The following COPG2 variants were observed in gnomAD, a reference collection of about 807,000 sequenced individuals.
COPG2 encodes the protein coatomer subunit gamma-2.
A neutral mutation model predicts 46.3 loss-of-function variants in COPG2; 37 were observed. The observed-to-expected ratio is 0.80, with a 90% CI of 0.61 to 1.05. The LOEUF (loss-of-function observed/expected upper bound fraction) is 1.05. Ranked by LOEUF, COPG2 falls within the 50% of genes least tolerant of loss-of-function variation. The pLI is 0.00. For missense variants in COPG2, 427 were observed against 387.8 expected, an observed-to-expected ratio of 1.10 and a Z score of -0.85; for synonymous variants, 159 against 129.7, an observed-to-expected ratio of 1.23 and a Z score of -1.53.
chr7:130,530,627 T>C (rs895187103), intron 20 of COPG2, among the ~76,000 whole-genome samples: 4 of 152,002 alleles, frequency 2.6e-5, no homozygotes, highest in African/African-American at 9.7e-5. Flanking sequence ...GAGAGAAATA[T>C]GGGCCACAGA....
At chr7:130,511,985 C>T in intron 20 of COPG2, 1 of 437,412 alleles carries the variant, frequency 2.3e-6, no homozygotes, top group Non-Finnish European at 4.6e-6. Flanking sequence ...GAGGCTGAGG[C>T]AGGTGGATCA....
intron 14 of COPG2, among the ~76,000 whole-genome samples, chr7:130,553,333 C>G (rs940727611): frequency 1.3e-5 from 2 of 151,546 alleles, no homozygotes; most frequent in Admixed American, 1.3e-4. Context: ...AAGTCCCCCC[C>G]GCCTTTTCTT....
chr7:130,559,101 A>G (rs1021517056), intron 12 of COPG2, among the ~76,000 whole-genome samples: 1 of 152,258 alleles, frequency 6.6e-6, no homozygotes, highest in Non-Finnish European at 1.5e-5. Flanking sequence ...ACATCATAAG[A>G]AAAGTCAAAA....
intron 9 of COPG2, among the ~76,000 whole-genome samples, chr7:130,604,287 C>T (rs1297514789): frequency 3.3e-5 from 5 of 152,086 alleles, no homozygotes; most frequent in Non-Finnish European, 7.4e-5. Context: ...TTGTGGAATC[C>T]ATAGGTCAAT....
chr7:130,632,844 A>G (rs1302452149), intron 5 of COPG2, among the ~76,000 whole-genome samples: 1 of 152,054 alleles, frequency 6.6e-6, no homozygotes, highest in Non-Finnish European at 1.5e-5. Context: ...TGCTGCACCC[A>G]TCAACCTGTC....
At chr7:130,587,310 AAAAAGAAAAG>A (rs1177733329) in intron 9 of COPG2, among the ~76,000 whole-genome samples, 1 of 152,026 alleles carries the variant, frequency 6.6e-6, no homozygotes, top group Non-Finnish European at 1.5e-5. Context: ...CCATCTCAAA[AAAAAGAAAAG>A]AAAAGAAAAG....
At chr7:130,658,359 A>G (rs1554460165) in intron 4 of COPG2, among the ~76,000 whole-genome samples, 1 of 152,162 alleles carries the variant, frequency 6.6e-6, no homozygotes, top group Admixed American at 6.5e-5. Flanking sequence ...GACAGAAAGG[A>G]GATAGATTGC....
chr7:130,593,746 T>G (rs1294691345), intron 9 of COPG2, among the ~76,000 whole-genome samples: 5 of 144,032 alleles, frequency 3.5e-5, no homozygotes, highest in African/African-American at 1.2e-4. Context: ...ATTGCTACCT[T>G]ATACTATATC....
At chr7:130,537,037 G>T (rs1799887012) in intron 20 of COPG2, among the ~76,000 whole-genome samples, 1 of 152,140 alleles carries the variant, frequency 6.6e-6, no homozygotes, top group African/African-American at 2.4e-5. Flanking sequence ...AGGAGCAGAG[G>T]AGCTGGGTCT....
intron 20 of COPG2, among the ~76,000 whole-genome samples, chr7:130,527,400 G>A (rs1380242334): frequency 1.4e-5 from 2 of 146,090 alleles, no homozygotes; most frequent in Non-Finnish European, 3.0e-5. Context: ...TGCTGGAAAT[G>A]GCAGAGTAAA....
At chr7:130,611,419 C>A (rs1794847610) in intron 8 of COPG2, among the ~76,000 whole-genome samples, 1 of 152,162 alleles carries the variant, frequency 6.6e-6, no homozygotes, top group African/African-American at 2.4e-5. Context: ...GGGTCCAGGG[C>A]TTTACTGGTG....
intron 9 of COPG2, among the ~76,000 whole-genome samples, chr7:130,586,595 T>C (rs1398376192): frequency 6.6e-6 from 1 of 151,976 alleles, no homozygotes; most frequent in Non-Finnish European, 1.5e-5. Context: ...CCCGAGTAGC[T>C]GGGACTACAG....
chr7:130,602,027 G>T (rs1370342865), intron 9 of COPG2, among the ~76,000 whole-genome samples: 8 of 152,130 alleles, frequency 5.3e-5, no homozygotes, highest in Non-Finnish European at 8.8e-5. Context: ...ATGACTGCAG[G>T]CTAGGCCAAC....
chr7:130,559,561 CACA>C (rs1389996197), intron 12 of COPG2, among the ~76,000 whole-genome samples: 1 of 152,198 alleles, frequency 6.6e-6, no homozygotes, highest in African/African-American at 2.4e-5. Flanking sequence ...TAAACTTCAC[CACA>C]ACCTCAACTA....
intron 5 of COPG2, among the ~76,000 whole-genome samples, chr7:130,638,987 TC>T (rs1301538063): frequency 2.6e-5 from 4 of 152,064 alleles, no homozygotes; most frequent in African/African-American, 4.8e-5. Context: ...GGGAGGGAGT[TC>T]CCCAACCCCT....
intron 20 of COPG2, among the ~76,000 whole-genome samples, chr7:130,528,789 T>C (rs1381627164): frequency 1.2e-4 from 18 of 151,492 alleles, no homozygotes; most frequent in Non-Finnish European, 2.1e-4. Context: ...GGAGAGCTTG[T>C]TGAGAGCAGG....
chr7:130,624,249 G>C (rs913755571), intron 5 of COPG2, among the ~76,000 whole-genome samples: 1 of 152,058 alleles, frequency 6.6e-6, no homozygotes, highest in Non-Finnish European at 1.5e-5. Flanking sequence ...TACTTGGGGG[G>C]ACACAAACAT....
chr7:130,633,894 G>C (rs1401536512), intron 5 of COPG2, among the ~76,000 whole-genome samples: 1 of 152,160 alleles, frequency 6.6e-6, no homozygotes, highest in Non-Finnish European at 1.5e-5. Flanking sequence ...GTTAATTTTT[G>C]TATAAGGTGT....
At position 130,605,269 on chromosome 7, in the gene COPG2, T is replaced by C. The variant is rs782549517; in HGVS notation, c.737+5684A>G. On this transcript the variant is annotated intron_variant, in intron 9 of 23. Transcript: ENST00000425248. The stretch of plus-strand genomic sequence containing the variant: ...GCTGTTAAGTCCATTCAGCAAATTA[T>C]CTGATTCAGTTATTGCACTTGCTGG... 7.7e-6 allele frequency: 4 copies of C among 519,932 alleles called. No individual in the cohort carries two copies. The Admixed American group carries it at 7.8e-5, about 10-fold the overall frequency. The allele number at this position is 519,932 out of a possible 1,614,324, so 32.2% of individuals were successfully genotyped here. A position where few individuals can be genotyped will look rare whatever the true frequency, so the allele number is the denominator to read the frequency against.
Sources: allele counts gnomAD v4.1 joint callset (sites outside exome capture counted in the v4.1 genomes callset), GRCh38; gene constraint gnomAD v4.1.1; transcripts MANE v1.5; gene names NCBI Gene and HGNC (gene_info 2026-07-23, HGNC 2026-07-21).